Variants in SPATA13 observed in about 807,000 individuals in gnomAD.
SPATA13 encodes spermatogenesis associated 13.
A neutral mutation model predicts 104.0 loss-of-function variants in SPATA13; 50 were observed. The ratio of observed to expected loss-of-function variants is 0.48; its 90% CI spans 0.38 to 0.61. The LOEUF (loss-of-function observed/expected upper bound fraction) is 0.61. Among genes scored for constraint, SPATA13 ranks in the 20% least tolerant of loss-of-function variants. The probability of loss-of-function intolerance (pLI) is 0.00; values close to 1 mark genes in which losing one functional copy is unlikely to be tolerated. For synonymous variants in SPATA13, 606 were observed against 667.5 expected, an observed-to-expected ratio of 0.91 and a Z score of 1.42; for missense variants, 1,524 against 1,690.6, an observed-to-expected ratio of 0.90 and a Z score of 1.73.
chr13:24,166,678 G>GT (rs1422850375), intron 1 of SPATA13, among the ~76,000 whole-genome samples: 6 of 152,128 alleles, frequency 3.9e-5, no homozygotes, highest in Admixed American at 1.3e-4. Context: ...CCAGCAATCT[G>GT]TTTTTTAACA....
At chr13:23,996,616 C>CCGA in intron 2 of SPATA13, among the ~76,000 whole-genome samples, 1 of 151,924 alleles carries the variant, frequency 6.6e-6, no homozygotes, top group Non-Finnish European at 1.5e-5. Context: ...CTGTGCTTGG[C>CCGA]TGATTGGCTG....
intron 5 of SPATA13, among the ~76,000 whole-genome samples, chr13:24,285,993 T>G (rs901708451): frequency 1.3e-5 from 2 of 152,212 alleles, no homozygotes; most frequent in African/African-American, 4.8e-5. Flanking sequence ...AGCGCTTTCT[T>G]TAAAAGCAGG....
intron 2 of SPATA13, among the ~76,000 whole-genome samples, chr13:24,002,350 C>T (rs1284538434): frequency 1.3e-5 from 2 of 152,074 alleles, no homozygotes; most frequent in African/African-American, 2.4e-5. Flanking sequence ...AACGTTCTGT[C>T]GTCTTGGAGT....
intron 1 of SPATA13, among the ~76,000 whole-genome samples, chr13:24,189,643 A>ATAT (rs1555267533): frequency 4.9e-5 from 1 of 20,378 alleles, no homozygotes; most frequent in African/African-American, 7.7e-5. Flanking sequence ...ATATATTTAT[A>ATAT]TATATATTAT....
intron 2 of SPATA13, among the ~76,000 whole-genome samples, chr13:24,001,369 GTGTCTGGGGACACC>G (rs1566067735): frequency 6.6e-6 from 1 of 152,108 alleles, no homozygotes; most frequent in African/African-American, 2.4e-5. Context: ...GGTTGGGGGA[GTGTCTGGGGACACC>G]TGCTTCTTCT....
intron 3 of SPATA13, chr13:24,123,372 G>T: frequency 7.8e-7 from 1 of 1,288,064 alleles, no homozygotes; most frequent in Non-Finnish European, 1.1e-6. Context: ...TACCCAGCAA[G>T]CCCTTGCTCT....
chr13:24,054,209 C>T (rs1277949028), intron 3 of SPATA13, among the ~76,000 whole-genome samples: 4 of 152,172 alleles, frequency 2.6e-5, no homozygotes, highest in Non-Finnish European at 4.4e-5. Context: ...CCATCACACC[C>T]CACAGCAACT....
At chr13:24,160,081 CTGGGAAACA>C (rs886813990), upstream of SPATA13, among the ~76,000 whole-genome samples, 3 of 152,138 alleles carry the variant, frequency 2.0e-5, no homozygotes, top group Admixed American at 2.0e-4. Context: ...GCCCCAGGCC[CTGGGAAACA>C]TGTAGGTTTA....
At chr13:24,077,071 T>A (rs1046161991) in intron 3 of SPATA13, among the ~76,000 whole-genome samples, 2 of 152,108 alleles carry the variant, frequency 1.3e-5, no homozygotes, top group Admixed American at 6.5e-5. Flanking sequence ...ATACGATCTC[T>A]GGTGGCTTAG....
Position 24,223,438 on chromosome 13 carries a change from G to A in SPATA13, c.509G>A (p.Cys170Tyr), listed in dbSNP as rs1871723670. 1 of 1,550,912 alleles carries A rather than the reference G, an allele frequency of 6.4e-7. No individual in the cohort carries two copies. Among genetic ancestry groups the A allele is most frequent in the East Asian group, 2.4e-5 (1 of 40,912 alleles). Reference sequence around the variant, plus strand: ...TCCCCCTTAGCACCGGGACCAGCATGTGGTGCCCTCAGGCCAGCAGAGTGG... The same window carrying A: ...TCCCCCTTAGCACCGGGACCAGCATATGGTGCCCTCAGGCCAGCAGAGTGG... ...RGSPLAPGPA[C>Y]GALRPAEWGT... The change falls in exon 2 of 13, where the codon TGT becomes TAT. Residue 170 changes from cysteine to tyrosine, a missense_variant. Around this residue, in one of 2 missense-constraint regions of SPATA13, gnomAD observed 1,089 missense variants for 1,135.9 expected, o/e 0.96. Transcript: ENST00000382108.
At position 24,232,083 on chromosome 13, in the gene SPATA13, G is replaced by A. The variant is rs547006608; in HGVS notation, c.1653+7501G>A. 3.2e-4 allele frequency among the ~76,000 whole-genome samples: 49 copies of A among 152,348 alleles called. 1 individual carries two copies. The East Asian group carries it at 7.7e-3, about 24-fold the overall frequency. On this transcript the variant is annotated intron_variant, in intron 2 of 12. Transcript: ENST00000382108. Reference sequence around the variant, plus strand: ...ATAGGATACATATGAAAATCGGCTGGTGTGATTAAGGCCAAGTACCAAGAT... The same window carrying A: ...ATAGGATACATATGAAAATCGGCTGATGTGATTAAGGCCAAGTACCAAGAT...
chr13:24,029,246 T>A (rs1450783600), intron 3 of SPATA13, among the ~76,000 whole-genome samples: 1 of 152,186 alleles, frequency 6.6e-6, no homozygotes, highest in Non-Finnish European at 1.5e-5. Flanking sequence ...TTCGTGGGAA[T>A]ACTTTAAAGT....
intron 3 of SPATA13, among the ~76,000 whole-genome samples, chr13:24,069,332 T>C (rs1593310525): frequency 6.6e-6 from 1 of 152,218 alleles, no homozygotes; most frequent in East Asian, 1.9e-4. Flanking sequence ...GTAAAGATCT[T>C]TCACCTCCCT....
chr13:24,189,489 A>C (rs1869374987), intron 1 of SPATA13, among the ~76,000 whole-genome samples: 1 of 40,580 alleles, frequency 2.5e-5, no homozygotes, highest in East Asian at 4.5e-4. Flanking sequence ...CTCTCTATAT[A>C]TATACGTGTA....
At chr13:24,119,737 A>C (rs1309091506) in intron 3 of SPATA13, among the ~76,000 whole-genome samples, 1 of 152,154 alleles carries the variant, frequency 6.6e-6, no homozygotes, top group Non-Finnish European at 1.5e-5. Flanking sequence ...CTTCACTGTA[A>C]ACAATTCAGG....
At chr13:24,175,657 CTT>C (rs1868395335) in intron 1 of SPATA13, among the ~76,000 whole-genome samples, 1 of 152,170 alleles carries the variant, frequency 6.6e-6, no homozygotes, top group African/African-American at 2.4e-5. Context: ...TTTAATTAGA[CTT>C]AGAACAGGGA....
intron 1 of SPATA13, among the ~76,000 whole-genome samples, chr13:24,219,874 A>G (rs1871472475): frequency 6.6e-6 from 1 of 152,122 alleles, no homozygotes; most frequent in African/African-American, 2.4e-5. Context: ...ATACTGTTCT[A>G]CTTACTGTAG....
At position 24,062,518 on chromosome 13, in the gene SPATA13, C is replaced by T. The variant is rs142878602; in HGVS notation, c.-112+44817C>T. ...CCAGGGCTCTGTGAACCTGGGTCAC[C>T]TCACCTCCATGGAGCCACACTTCTT... is the stretch of plus-strand genomic sequence containing the variant. On this transcript the variant is annotated intron_variant, in intron 3 of 14. Transcript: ENST00000424834. 7.2e-3 allele frequency among the ~76,000 whole-genome samples: 1,100 copies of T among 152,210 alleles called. 17 individuals carry two copies. Among genetic ancestry groups the T allele is most frequent in the African/African-American group, 0.025 (1,056 of 41,520 alleles).
chr13:24,087,774 G>A (rs1237076883), intron 3 of SPATA13, among the ~76,000 whole-genome samples: 1 of 152,168 alleles, frequency 6.6e-6, no homozygotes, highest in East Asian at 1.9e-4. Context: ...AGTGTTCCAG[G>A]AAGCCCGTGT....
Sources: allele counts gnomAD v4.1 joint callset (sites outside exome capture counted in the v4.1 genomes callset), GRCh38; gene constraint gnomAD v4.1.1; regional missense constraint gnomAD v4.1.1; transcripts MANE v1.5; gene names NCBI Gene and HGNC (gene_info 2026-07-23, HGNC 2026-07-21).